The following DHRSX variants were observed in gnomAD, a reference collection of about 807,000 sequenced individuals.
DHRSX encodes the protein polyprenol dehydrogenase.
A neutral mutation model predicts 34.0 loss-of-function variants in DHRSX; 31 were observed. That is an observed-to-expected ratio of 0.91 (90% CI 0.69 to 1.23). The LOEUF (loss-of-function observed/expected upper bound fraction) is 1.23. Among genes scored for constraint, DHRSX ranks in the 50% most tolerant of loss-of-function variants. DHRSX has a pLI of 0.00. For missense variants in DHRSX, 414 were observed against 428.1 expected (o/e 0.97, Z 0.29); for synonymous variants, 201 against 183.8 (o/e 1.09, Z -0.76).
chrX:2,478,892 T>C (rs922618840), intron 1 of DHRSX, among the ~76,000 whole-genome samples: 4 of 151,860 alleles, frequency 2.6e-5, no homozygotes, highest in African/African-American at 9.7e-5. Context: ...AGACGTTCCC[T>C]AAGTATGTGG....
intron 3 of DHRSX, among the ~76,000 whole-genome samples, chrX:2,346,714 T>A (rs1413753409): frequency 2.0e-5 from 3 of 151,812 alleles, no homozygotes; most frequent in African/African-American, 7.3e-5. Context: ...GCAGGTTACA[T>A]AGGTATCCAT....
rs2042106443 is a variant in DHRSX, at chrX:2,307,021, C to T, written c.287-15418G>A. 3.4e-5 allele frequency among the ~76,000 whole-genome samples: 5 copies of T among 148,694 alleles called. No homozygotes were observed. The Admixed American group carries it at 3.4e-4, about 10-fold the overall frequency. Reference sequence around the variant, plus strand: ...GAGTCTGTTCTGGATCTGATTTCTTCCTGATTCAATCTTGGGAGGCATGAG... The same window carrying T: ...GAGTCTGTTCTGGATCTGATTTCTTTCTGATTCAATCTTGGGAGGCATGAG... On this transcript the variant is annotated intron_variant, in intron 3 of 6. Transcript: ENST00000334651.
chrX:2,259,962 G>A (rs898283889), intron 5 of DHRSX, among the ~76,000 whole-genome samples: 1 of 151,964 alleles, frequency 6.6e-6, no homozygotes, highest in Admixed American at 6.6e-5. Flanking sequence ...TCTGGGCTTC[G>A]GGATGTGGAC....
chrX:2,430,675 A>T (rs1054333365), intron 1 of DHRSX, among the ~76,000 whole-genome samples: 30 of 152,004 alleles, frequency 2.0e-4, no homozygotes, highest in African/African-American at 7.0e-4. Context: ...TTCCCCTAGT[A>T]AATCTCTGGC....
At chrX:2,460,248 G>A (rs1174659362) in intron 1 of DHRSX, among the ~76,000 whole-genome samples, 2 of 152,116 alleles carry the variant, frequency 1.3e-5, no homozygotes, top group African/African-American at 4.8e-5. Context: ...TGCTCAGGAG[G>A]GTTGGTGAGA....
chrX:2,349,063 A>G (rs1813408901), intron 3 of DHRSX, among the ~76,000 whole-genome samples: 1 of 152,160 alleles, frequency 6.6e-6, no homozygotes, highest in Non-Finnish European at 1.5e-5. Context: ...TGTTTCCTGC[A>G]GAAATGGGTG....
chrX:2,322,901 A>T (rs1398482274), intron 3 of DHRSX, among the ~76,000 whole-genome samples: 1 of 152,034 alleles, frequency 6.6e-6, no homozygotes. Context: ...ACATTGTTCA[A>T]GGGTCAACTC....
chrX:2,335,205 A>G (rs919980490), intron 3 of DHRSX, among the ~76,000 whole-genome samples: 4 of 151,606 alleles, frequency 2.6e-5, no homozygotes, highest in Non-Finnish European at 5.9e-5. Context: ...AAAAAGAAAA[A>G]TTTATTTTGC....
intron 2 of DHRSX, among the ~76,000 whole-genome samples, chrX:2,420,620 G>C (rs2043767382): frequency 6.6e-6 from 1 of 150,720 alleles, no homozygotes; most frequent in Admixed American, 6.6e-5. Flanking sequence ...GTGTGCTCCT[G>C]TAGTCCCAGC....
rs1556457246 is a variant in DHRSX, at chrX:2,298,614, A to ACACACACACACACG, written c.287-7012_287-7011insCGTGTGTGTGTGTG. Among the ~76,000 whole-genome samples the ACACACACACACACG allele has an allele frequency of 5.6e-3, 461 of 82,998 alleles. 5 individuals carry two copies. The highest frequency in any genetic ancestry group is 0.016 in the East Asian group (54 of 3,412). 54.4% of individuals were successfully genotyped at this position (82,998 alleles called of 152,430 possible). ...CAGGCGCGTGTGTACACACACACAC[A>ACACACACACACACG]CACACACACACACACACACACACGA... On this transcript the variant is annotated intron_variant, in intron 3 of 6. Transcript: ENST00000334651.
At chrX:2,224,651 GACATGCACACATACATTCGTATGTACTC>G in intron 6 of DHRSX, among the ~76,000 whole-genome samples, 1 of 152,080 alleles carries the variant, frequency 6.6e-6, no homozygotes, top group East Asian at 1.9e-4. Context: ...CTTACATGCT[GACATGCACACATACATTCGTATGTACTC>G]ACATGCACAC....
chrX:2,369,444 G>A (rs1291439780), intron 3 of DHRSX, among the ~76,000 whole-genome samples: 3 of 152,086 alleles, frequency 2.0e-5, no homozygotes, highest in African/African-American at 7.2e-5. Context: ...TGTGTGTGGA[G>A]TATTCGTGAG....
At chrX:2,231,981 C>T (rs1806718210) in intron 6 of DHRSX, among the ~76,000 whole-genome samples, 1 of 149,026 alleles carries the variant, frequency 6.7e-6, no homozygotes, top group Non-Finnish European at 1.5e-5. Context: ...CTTTCCTTTT[C>T]TCTATTCCTC....
chrX:2,463,998 T>A (rs2044441281), intron 1 of DHRSX, among the ~76,000 whole-genome samples: 1 of 152,098 alleles, frequency 6.6e-6, no homozygotes, highest in African/African-American at 2.4e-5. Context: ...CTGAAGACAT[T>A]CGCTAAGAAT....
At chrX:2,326,348 C>T (rs1405532856) in intron 3 of DHRSX, among the ~76,000 whole-genome samples, 2 of 152,066 alleles carry the variant, frequency 1.3e-5, no homozygotes, top group Admixed American at 1.3e-4. Flanking sequence ...CATAGTGAAA[C>T]CCCGTCTCTA....
At chrX:2,346,710 T>C (rs984565451) in intron 3 of DHRSX, among the ~76,000 whole-genome samples, 6 of 151,914 alleles carry the variant, frequency 3.9e-5, no homozygotes, top group Admixed American at 3.9e-4. Context: ...ACATGCAGGT[T>C]ACATAGGTAT....
At chrX:2,264,476 A>G (rs1368096231) in intron 5 of DHRSX, among the ~76,000 whole-genome samples, 1 of 151,440 alleles carries the variant, frequency 6.6e-6, no homozygotes, top group Admixed American at 6.6e-5. Context: ...CGCAGAGAGC[A>G]CCGTGCCCAG....
chrX:2,260,931 CG>C (rs1345041559), intron 5 of DHRSX, among the ~76,000 whole-genome samples: 1 of 151,118 alleles, frequency 6.6e-6, no homozygotes, highest in Non-Finnish European at 1.5e-5. Context: ...TAATGGTGGT[CG>C]GGTGTGGTGG....
intron 1 of DHRSX, 147 bp from the exon 2 acceptor site, chrX:2,425,451 T>A: frequency 1.4e-6 from 1 of 717,258 alleles, no homozygotes; most frequent in East Asian, 2.7e-5. Flanking sequence ...TCCCACAGGC[T>A]CAGGAGGCAT....
Sources: allele counts gnomAD v4.1 joint callset (sites outside exome capture counted in the v4.1 genomes callset), GRCh38; gene constraint gnomAD v4.1.1; transcripts MANE v1.5; gene names NCBI Gene and HGNC (gene_info 2026-07-23, HGNC 2026-07-21).